PLEKHG4B: variants seen among roughly 807,000 people sequenced by gnomAD.
PLEKHG4B encodes pleckstrin homology and RhoGEF domain containing G4B.
A neutral mutation model predicts 121.3 loss-of-function variants in PLEKHG4B; 111 were observed. The observed-to-expected ratio is 0.92, with a 90% CI of 0.78 to 1.07. PLEKHG4B has a LOEUF of 1.07. Ranked by LOEUF, PLEKHG4B falls within the 50% of genes least tolerant of loss-of-function variation. The pLI is 0.00. For synonymous variants in PLEKHG4B, 738 were observed against 725.0 expected, an observed-to-expected ratio of 1.02 and a Z score of -0.29; for missense variants, 1,831 against 1,757.8, an observed-to-expected ratio of 1.04 and a Z score of -0.74.
intron 12 of PLEKHG4B, 60 bp from the exon 13 acceptor site, chr5:162,662 A>G: frequency 8.1e-7 from 1 of 1,233,320 alleles, no homozygotes; most frequent in Non-Finnish European, 1.1e-6. Context: ...GCAGGGCCTG[A>G]GCTGGCTCCA....
At position 159,809 on chromosome 5, in the gene PLEKHG4B, T is replaced by A. The variant is rs2126431765; in HGVS notation, c.2488-1974T>A. 6.6e-6 allele frequency among the ~76,000 whole-genome samples: 1 copy of A among 152,220 alleles called. No individual in the cohort carries two copies. The highest frequency in any genetic ancestry group is 1.5e-5 in the Non-Finnish European group (1 of 68,014). On this transcript the variant is annotated intron_variant, in intron 11 of 19. Coordinates refer to ENST00000637938, the MANE Select transcript of PLEKHG4B (RefSeq NM_052909.5). This position sits in a 1 kb window ranked among gnomAD's most constrained non-coding sequence, Gnocchi z 5.5. ...AGACCCTGGGCCCTGTGGAGCAGGG[T>A]GCCCAGCTCCTTCCCTCCGACACTC... is the stretch of plus-strand genomic sequence containing the variant.
intron 18 of PLEKHG4B, among the ~76,000 whole-genome samples, chr5:180,685 G>C (rs1158484285): frequency 6.6e-6 from 1 of 152,230 alleles, no homozygotes; most frequent in African/African-American, 2.4e-5. Flanking sequence ...AGAGCAGGAA[G>C]CTGTCCCGCG....
intron 1 of PLEKHG4B, among the ~76,000 whole-genome samples, chr5:110,379 CCACACAATCTGCAACACACGTG>C (rs1479572332): frequency 3.1e-4 from 46 of 149,842 alleles, no homozygotes; most frequent in African/African-American, 1.0e-3. Context: ...ATGCACACAT[CCACACAATCTGCAACACACGTG>C]CACACACCCA....
At chr5:134,797 A>G (rs1734902429) in intron 2 of PLEKHG4B, among the ~76,000 whole-genome samples, 1 of 151,372 alleles carries the variant, frequency 6.6e-6, no homozygotes, top group African/African-American at 2.4e-5. Flanking sequence ...GAAAAGTAAA[A>G]CCTGTTAGAA....
rs1735603886 is a variant in PLEKHG4B at position 151,536 on chromosome 5, T to C, written c.1929T>C (p.His643=). ...AGAACAACACATCTCCTATAATTCA[T>C]AGTATCTTGCTGTTGGTAGATAAAG... ...GLQNNTSPII[H]SILLLVDKES... Residue 643 remains histidine, a synonymous_variant, in exon 7 of 20, where the codon CAT becomes CAC. Coordinates refer to ENST00000637938, the MANE Select transcript of PLEKHG4B (RefSeq NM_052909.5). 3 of 1,577,286 alleles carry C rather than the reference T, an allele frequency of 1.9e-6. No homozygotes were observed. The highest frequency in any genetic ancestry group is 1.7e-6 in the Non-Finnish European group (2 of 1,149,080).
intron 6 of PLEKHG4B, among the ~76,000 whole-genome samples, chr5:146,416 T>G (rs181882110): frequency 2.3e-5 from 3 of 133,230 alleles, no homozygotes; most frequent in Admixed American, 2.2e-4. Context: ...CTCTCCCCAC[T>G]ATGGTCCTCC....
chr5:169,641 C>T (rs779671722), intron 14 of PLEKHG4B, 49 bp downstream of exon 14: 25 of 1,600,280 alleles, frequency 1.6e-5, no homozygotes, highest in South Asian at 6.6e-5. Flanking sequence ...TGGGTGAAGC[C>T]GGTGTCAGAG....
intron 18 of PLEKHG4B, among the ~76,000 whole-genome samples, chr5:180,918 C>T (rs544104226): frequency 3.3e-5 from 5 of 152,224 alleles, no homozygotes; most frequent in South Asian, 4.1e-4. Context: ...CACTTCTTCC[C>T]GTTCTCCCAA....
intron 18 of PLEKHG4B, among the ~76,000 whole-genome samples, chr5:179,179 C>T (rs1403146195): frequency 6.6e-5 from 10 of 152,044 alleles, no homozygotes; most frequent in African/African-American, 1.7e-4. Flanking sequence ...ATTTGAGATA[C>T]GTCTCTTGTA....
In PLEKHG4B at chr5:113,041, C is replaced by T. The variant is rs183845438; in HGVS notation, c.46-210C>T. On this transcript the variant is annotated intron_variant, in intron 1 of 19. Transcript: ENST00000637938. This position sits in a 1 kb window ranked among gnomAD's most constrained non-coding sequence, Gnocchi z 5.2. ...GGGTCTGCCTAATGCACCTGCCCCTCTGCTGTGTGACAGCACAAGGAGAAC... is the reference window on the plus strand; with the variant it reads ...GGGTCTGCCTAATGCACCTGCCCCTTTGCTGTGTGACAGCACAAGGAGAAC... 1.2e-4 allele frequency among the ~76,000 whole-genome samples: 19 copies of T among 152,320 alleles called. No individual in the cohort carries two copies. The highest frequency in any genetic ancestry group is 4.1e-4 in the African/African-American group (17 of 41,580).
rs554359778 is a variant in PLEKHG4B, at chr5:137,840, C to T, written c.244-1643C>T. Among the ~76,000 whole-genome samples the T allele has an allele frequency of 2.0e-5, 3 of 152,334 alleles. No homozygotes were observed. Among genetic ancestry groups the T allele is most frequent in the East Asian group, 3.9e-4 (2 of 5,186 alleles). Reference sequence around the variant, plus strand: ...CAGGCTCGGGGAGGCCCTTATGGACCGGCAGGTACCTGTCTCTTCTGGGGT... The same window carrying T: ...CAGGCTCGGGGAGGCCCTTATGGACTGGCAGGTACCTGTCTCTTCTGGGGT... On this transcript the variant is annotated intron_variant, in intron 2 of 19. Coordinates refer to ENST00000637938, the MANE Select transcript of PLEKHG4B (RefSeq NM_052909.5). This position sits in a 1 kb window ranked among gnomAD's most constrained non-coding sequence, Gnocchi z 4.2.
intron 2 of PLEKHG4B, among the ~76,000 whole-genome samples, chr5:133,705 A>T (rs1734844326): frequency 6.6e-6 from 1 of 152,142 alleles, no homozygotes; most frequent in South Asian, 2.1e-4. Context: ...TACAACCACC[A>T]TGGAAAACAG....
Position 181,597 on chromosome 5 carries a change from T to C in PLEKHG4B, c.4486T>C (p.Cys1496Arg), listed in dbSNP as rs1236125191. Residue 1496 changes from cysteine to arginine, a missense_variant, in exon 19 of 20, where the codon TGT (cysteine) becomes CGT (arginine). By Grantham distance (180) the Cys-to-Arg change is radical. Coordinates refer to ENST00000637938, the MANE Select transcript of PLEKHG4B (RefSeq NM_052909.5). ...CAAGCCCAGAGACCGGACCCCTGAC[T>C]GTGCAGTGATAAGCGACCGGGCTCC... ...DVKPRDRTPD[C>R]AVISDRAPKC... The C allele has an allele frequency of 6.2e-7, 1 of 1,613,776 alleles. No homozygotes were observed. The highest frequency in any genetic ancestry group is 1.3e-5 in the African/African-American group (1 of 74,928).
At chr5:95,605 T>C (rs1560890070) in intron 1 of PLEKHG4B, among the ~76,000 whole-genome samples, 1 of 152,140 alleles carries the variant, frequency 6.6e-6, no homozygotes, top group Admixed American at 6.5e-5. Flanking sequence ...CCAGCCTTAT[T>C]CTAAGACAAA....
At chr5:116,983 G>A (rs571676881) in intron 2 of PLEKHG4B, among the ~76,000 whole-genome samples, 47 of 152,292 alleles carry the variant, frequency 3.1e-4, no homozygotes, top group African/African-American at 1.1e-3. Context: ...GTCTGAAAAC[G>A]CGTGGCTGCT....
chr5:160,859 G>A (rs1266222322), intron 11 of PLEKHG4B, among the ~76,000 whole-genome samples: 3 of 152,158 alleles, frequency 2.0e-5, no homozygotes, highest in Non-Finnish European at 4.4e-5. Flanking sequence ...CCTGCCCCTT[G>A]CCTGGCAGTT....
At chr5:150,665 CAT>C (rs780724639) in intron 6 of PLEKHG4B, among the ~76,000 whole-genome samples, 11 of 152,098 alleles carry the variant, frequency 7.2e-5, no homozygotes, top group Admixed American at 6.6e-4. Context: ...CAAATAAGCA[CAT>C]AAAAATATGC....
chr5:99,445 A>G (rs1285497099), intron 1 of PLEKHG4B, among the ~76,000 whole-genome samples: 1 of 151,832 alleles, frequency 6.6e-6, no homozygotes, highest in Non-Finnish European at 1.5e-5. Context: ...TCAGCAAGCA[A>G]GTCTTTTACC....
In PLEKHG4B at chr5:113,534, C is replaced by G; in HGVS notation, c.243+86C>G. ...TGGGCAGGGCAGGAATTGGGCCCAT[C>G]AGGGCACTGGCTCAGTTCTTTCCTC... On this transcript the variant is annotated intron_variant, in intron 2 of 19. Coordinates refer to ENST00000637938, the MANE Select transcript of PLEKHG4B (RefSeq NM_052909.5). The surrounding 1 kb of genome is among the most constrained non-coding windows in gnomAD (Gnocchi z 5.2). 1 of 398,586 alleles carries G rather than the reference C, an allele frequency of 2.5e-6. No individual in the cohort carries two copies. Among genetic ancestry groups the G allele is most frequent in the Non-Finnish European group, 4.4e-6 (1 of 226,132 alleles). The allele number at this position is 398,586 out of a possible 1,614,324, so 24.7% of individuals were successfully genotyped here.
Sources: allele counts gnomAD v4.1 joint callset (sites outside exome capture counted in the v4.1 genomes callset), GRCh38; gene constraint gnomAD v4.1.1; non-coding constraint Gnocchi (gnomAD v3.1); transcripts MANE v1.5; gene names NCBI Gene and HGNC (gene_info 2026-07-23, HGNC 2026-07-21).